Variants in ADRA1A observed in about 807,000 individuals in gnomAD.
The protein encoded by ADRA1A is alpha-1A adrenergic receptor.
ADRA1A carries 31 observed loss-of-function variants against 29.6 expected under a neutral mutation model. The ratio of observed to expected loss-of-function variants is 1.05; its 90% CI spans 0.79 to 1.41. The LOEUF (loss-of-function observed/expected upper bound fraction) is 1.41, where lower values mean the gene tolerates loss of function less well. Ranked by LOEUF, ADRA1A falls within the 40% of genes most tolerant of loss-of-function variation. The probability of loss-of-function intolerance (pLI) is 0.00; values close to 1 mark genes in which losing one functional copy is unlikely to be tolerated. For missense variants in ADRA1A, 619 were observed against 601.1 expected (o/e 1.03, Z -0.31); for synonymous variants, 311 against 254.3 (o/e 1.22, Z -2.12).
At chr8:26,817,663 A>G (rs1477119956) in intron 2 of ADRA1A, among the ~76,000 whole-genome samples, 1 of 152,160 alleles carries the variant, frequency 6.6e-6, no homozygotes, top group Non-Finnish European at 1.5e-5. Context: ...CTGTAGACCC[A>G]ACCACTAGGG....
intron 2 of ADRA1A, among the ~76,000 whole-genome samples, chr8:26,857,610 C>T (rs1318107326): frequency 6.6e-6 from 1 of 152,126 alleles, no homozygotes; most frequent in Non-Finnish European, 1.5e-5. Flanking sequence ...CCGCAGTGAG[C>T]TATGATTACC....
In ADRA1A at chr8:26,796,503, A is replaced by T. The variant is rs1808201416; in HGVS notation, c.884-25837T>A. ...ATTTTGTTCCCAGCCTCCTGGATTC[A>T]TTATGAATGAACAAAGACTGGTAGA... On this transcript the variant is annotated intron_variant, in intron 2 of 2. Transcript: ENST00000380573. The surrounding 1 kb of genome is among the most constrained non-coding windows in gnomAD (Gnocchi z 5.0). 6.6e-6 allele frequency among the ~76,000 whole-genome samples: 1 copy of T among 152,150 alleles called. No individual in the cohort carries two copies.
downstream of ADRA1A, chr8:26,768,768 C>T (rs1805932127): frequency 2.3e-6 from 1 of 431,802 alleles, no homozygotes; most frequent in African/African-American, 2.2e-5. Flanking sequence ...ATCTGAAACA[C>T]TTCTGGTTCC....
At chr8:26,836,229 G>T in intron 2 of ADRA1A, 1 of 235,814 alleles carries the variant, frequency 4.2e-6, no homozygotes, top group Non-Finnish European at 9.3e-6. Flanking sequence ...CATGTCTTTT[G>T]CCAAGGTGCT....
chr8:26,766,108 CT>C (rs1184076102), downstream of ADRA1A: 1 of 1,613,560 alleles, frequency 6.2e-7, no homozygotes, highest in African/African-American at 1.3e-5. Context: ...GCTTGATATG[CT>C]CTCTGCAATT....
chr8:26,817,730 A>AT (rs1809867109), intron 2 of ADRA1A, among the ~76,000 whole-genome samples: 2 of 152,212 alleles, frequency 1.3e-5, no homozygotes, highest in East Asian at 1.9e-4. Flanking sequence ...GTGAGCTGTG[A>AT]TTTTGTCTCT....
At chr8:26,789,007 A>G (rs1293972535) in intron 2 of ADRA1A, among the ~76,000 whole-genome samples, 2 of 152,154 alleles carry the variant, frequency 1.3e-5, no homozygotes, top group Admixed American at 1.3e-4. Flanking sequence ...ACAGACATAC[A>G]TGTGCAATGG....
chr8:26,852,094 T>C (rs534059415), intron 2 of ADRA1A, among the ~76,000 whole-genome samples: 1 of 152,068 alleles, frequency 6.6e-6, no homozygotes, highest in African/African-American at 2.4e-5. Flanking sequence ...GGAGATAAAA[T>C]TACCAATGAT....
chr8:26,762,829 G>A (rs1805580695), downstream of ADRA1A, among the ~76,000 whole-genome samples: 1 of 152,158 alleles, frequency 6.6e-6, no homozygotes, highest in Admixed American at 6.5e-5. The surrounding 1 kb of genome is among the most constrained non-coding windows in gnomAD (Gnocchi z 4.0). Flanking sequence ...TGAACACCGT[G>A]CCCTCGGCTG....
chr8:26,769,232 A>C lies in ADRA1A; in HGVS notation c.*917T>G. On this transcript the variant is annotated 3_prime_UTR_variant, in exon 3 of 3. Coordinates refer to ENST00000380573, the MANE Select transcript of ADRA1A (RefSeq NM_000680.4). ...TTGTCAAGAAAGGCTTTTGTAAGCC[A>C]TGTTGAAATGGCTGTGCAGTAAGTG... 1.0e-6 allele frequency: 1 copy of C among 985,430 alleles called. No homozygotes were observed. The highest frequency in any genetic ancestry group is 1.2e-6 in the Non-Finnish European group (1 of 829,902). The allele number at this position is 985,430 out of a possible 1,614,324, so 61.0% of individuals were successfully genotyped here. A position where few individuals can be genotyped will look rare whatever the true frequency, so the allele number is the denominator to read the frequency against.
chr8:26,752,060 T>A (rs959373503), downstream of ADRA1A, among the ~76,000 whole-genome samples: 1 of 151,992 alleles, frequency 6.6e-6, no homozygotes, highest in African/African-American at 2.4e-5. Flanking sequence ...ATGCCACACA[T>A]CATGTGGCAA....
chr8:26,847,984 A>C (rs1812337493), intron 2 of ADRA1A, among the ~76,000 whole-genome samples: 1 of 152,186 alleles, frequency 6.6e-6, no homozygotes, highest in African/African-American at 2.4e-5. Flanking sequence ...AGAGTTCTGA[A>C]GCTGAGAAGT....
chr8:26,847,229 TAAAA>T (rs540215540), intron 2 of ADRA1A, among the ~76,000 whole-genome samples: 1 of 149,660 alleles, frequency 6.7e-6, no homozygotes, highest in Admixed American at 6.7e-5. Context: ...TAATAATAAA[TAAAA>T]AAAAGAAACA....
intron 2 of ADRA1A, among the ~76,000 whole-genome samples, chr8:26,811,121 G>T (rs1182663623): frequency 6.6e-6 from 1 of 152,032 alleles, no homozygotes; most frequent in African/African-American, 2.4e-5. Context: ...TTTGTGTGAG[G>T]CCCTAGGGTG....
rs764428220 is a variant in ADRA1A at position 26,770,465 on chromosome 8, G to A, written c.1085C>T (p.Pro362Leu). Residue 362 changes from proline (P) to leucine (L), a missense_variant, in exon 3 of 3, where the codon CCG becomes CTG. By Grantham distance (98) the Pro-to-Leu change is moderately conservative (BLOSUM62 -3). Transcript: ENST00000380573. ...TTGCCCTTCCACGGCCTGGCTGGGC[G>A]GGTGCAGGGTGTAGCCCAGGGCATG... ...SKHALGYTLH[P>L]PSQAVEGQHK... 56 of 1,614,064 alleles carry A rather than the reference G, an allele frequency of 3.5e-5. 1 individual carries two copies. In the South Asian group the frequency reaches 3.5e-4, roughly 10 times the overall value.
At chr8:26,863,409 T>C (rs1813626004) in intron 2 of ADRA1A, among the ~76,000 whole-genome samples, 1 of 152,232 alleles carries the variant, frequency 6.6e-6, no homozygotes, top group South Asian at 2.1e-4. Context: ...AAGAGAAGTG[T>C]TTGTTTTAAT....
chr8:26,811,620 G>T (rs1057159081), intron 2 of ADRA1A, among the ~76,000 whole-genome samples: 1 of 152,202 alleles, frequency 6.6e-6, no homozygotes, highest in African/African-American at 2.4e-5. Context: ...TAAAGTTTGA[G>T]ATTTTGCGAT....
At chr8:26,766,174 A>G, downstream of ADRA1A, 2 of 1,471,888 alleles carry the variant, frequency 1.4e-6, 1 homozygote, top group South Asian at 2.3e-5. Context: ...AAAAAGTTGG[A>G]ATACAGGTGA....
downstream of ADRA1A, among the ~76,000 whole-genome samples, chr8:26,761,018 C>A (rs1805479672): frequency 6.6e-6 from 1 of 152,212 alleles, no homozygotes; most frequent in South Asian, 2.1e-4. Flanking sequence ...TCTCTCCATG[C>A]CTGCTTAGGG....
Sources: gnomAD v4.1 joint callset for allele counts (sites outside exome capture counted in the v4.1 genomes callset) on GRCh38, gnomAD v4.1.1 for gene constraint, Gnocchi (gnomAD v3.1) non-coding constraint, MANE v1.5 for transcripts, NCBI Gene and HGNC (gene_info 2026-07-23, HGNC 2026-07-21) for gene names.